The following NEBL variants were observed in gnomAD, a reference collection of about 807,000 sequenced individuals.
NEBL encodes the protein LIM and SH3 protein 2.
Under a neutral mutation model 140.2 loss-of-function variants are expected in NEBL, and 122 were observed. The observed-to-expected ratio is 0.87, with a 90% CI of 0.75 to 1.01. The LOEUF is 1.01. NEBL is among the 50% of genes least tolerant of loss of function. The pLI is 0.00. For missense variants in NEBL, 1,365 were observed against 1,231.3 expected (o/e 1.11, Z -1.62); for synonymous variants, 436 against 398.9 (o/e 1.09, Z -1.11).
In NEBL at chr10:21,034,167, GAAAAAAAA is replaced by G. The variant is rs964552949; in HGVS notation, c.165-13974_165-13967del. Among the ~76,000 whole-genome samples the G allele has an allele frequency of 2.1e-4, 7 of 33,494 alleles. No homozygotes were observed. The South Asian group carries it at 3.6e-3, about 17-fold the overall frequency. 22.0% of individuals were successfully genotyped at this position (33,494 alleles called of 152,430 possible). A position where few individuals can be genotyped will look rare whatever the true frequency, so the allele number is the denominator to read the frequency against. On this transcript the variant is annotated intron_variant, in intron 2 of 6. Coordinates refer to the NEBL transcript ENST00000417816. Reference sequence around the variant, plus strand: ...AGGCAACAGAGCAAGACCCTATCTCGAAAAAAAAAAAAAAAAAAAAAAAGACCCAAACA... The same window carrying G: ...AGGCAACAGAGCAAGACCCTATCTCGAAAAAAAAAAAAAAAGACCCAAACA...
At chr10:20,934,886 A>C (rs1239154412) in intron 4 of NEBL, among the ~76,000 whole-genome samples, 2 of 152,236 alleles carry the variant, frequency 1.3e-5, no homozygotes, top group Non-Finnish European at 1.5e-5. Context: ...CATTTCTAGC[A>C]GGAACAAAAT....
chr10:21,133,290 C>A (rs1159151768), intron 2 of NEBL, among the ~76,000 whole-genome samples: 2 of 152,184 alleles, frequency 1.3e-5, no homozygotes, highest in African/African-American at 4.8e-5. Flanking sequence ...ATGTTTTTAA[C>A]CTAATGAAAT....
intron 3 of NEBL, among the ~76,000 whole-genome samples, chr10:21,241,175 G>A (rs996353184): frequency 6.6e-6 from 1 of 151,754 alleles, no homozygotes; most frequent in Non-Finnish European, 1.5e-5. Flanking sequence ...TTTCAGGTTT[G>A]TGTTATATCT....
intron 11 of NEBL, among the ~76,000 whole-genome samples, chr10:20,846,370 G>C (rs1249907532): frequency 6.6e-6 from 1 of 152,128 alleles, no homozygotes; most frequent in African/African-American, 2.4e-5. Context: ...ATTCATTATA[G>C]AGATAGGTAA....
chr10:21,156,541 G>A (rs988047488), intron 2 of NEBL, among the ~76,000 whole-genome samples: 1 of 151,552 alleles, frequency 6.6e-6, no homozygotes, highest in African/African-American at 2.4e-5. Context: ...ATGTCTACTG[G>A]AAACAAAGCA....
At chr10:21,198,855 T>A (rs1422378975) in intron 3 of NEBL, among the ~76,000 whole-genome samples, 1 of 152,148 alleles carries the variant, frequency 6.6e-6, no homozygotes, top group Non-Finnish European at 1.5e-5. Context: ...AGTGACCATT[T>A]TCTCTTTCTC....
chr10:21,016,481 A>C (rs1165328383), intron 3 of NEBL, among the ~76,000 whole-genome samples: 1 of 152,234 alleles, frequency 6.6e-6, no homozygotes, highest in African/African-American at 2.4e-5. Context: ...TTTTTAAAGA[A>C]AGAGATAACA....
chr10:20,862,067 T>C (rs142508967), intron 7 of NEBL, among the ~76,000 whole-genome samples: 38 of 152,280 alleles, frequency 2.5e-4, no homozygotes, highest in African/African-American at 8.4e-4. Context: ...GTAATGAAAG[T>C]GAAAGGCAGA....
chr10:21,090,275 C>A (rs1355449491), intron 2 of NEBL, among the ~76,000 whole-genome samples: 1 of 152,224 alleles, frequency 6.6e-6, no homozygotes, highest in Non-Finnish European at 1.5e-5. Context: ...TTCTAAATCA[C>A]AAGGGCACAA....
intron 3 of NEBL, among the ~76,000 whole-genome samples, chr10:21,242,599 C>G (rs180941280): frequency 1.7e-4 from 26 of 152,068 alleles, no homozygotes; most frequent in Non-Finnish European, 2.5e-4. Flanking sequence ...GTACCCTGAG[C>G]CTAAAATAAA....
At chr10:21,030,081 A>C (rs640750) in intron 2 of NEBL, 294,720 of 469,338 alleles carry the variant, frequency 0.63, 93,014 homozygotes, top group East Asian at 0.73. Context: ...GGTCGAGCTT[A>C]TTTTGTCTTT....
At chr10:21,019,853 T>C (rs1242346120) in intron 3 of NEBL, among the ~76,000 whole-genome samples, 1 of 152,204 alleles carries the variant, frequency 6.6e-6, no homozygotes, top group Non-Finnish European at 1.5e-5. Context: ...GTCAAGATTG[T>C]TGGGAAACAT....
intron 2 of NEBL, among the ~76,000 whole-genome samples, chr10:21,149,245 T>C: frequency 6.6e-6 from 1 of 152,176 alleles, no homozygotes; most frequent in Non-Finnish European, 1.5e-5. Context: ...TCTGTAACCC[T>C]TCCTCACCTT....
intron 26 of NEBL, among the ~76,000 whole-genome samples, chr10:20,791,672 G>C (rs1835993809): frequency 6.6e-6 from 1 of 152,068 alleles, no homozygotes; most frequent in South Asian, 2.1e-4. Flanking sequence ...TGGGATTATG[G>C]GCGTGAGCAC....
chr10:20,949,986 G>T (rs1411853476), intron 4 of NEBL, among the ~76,000 whole-genome samples: 2 of 152,156 alleles, frequency 1.3e-5, no homozygotes, highest in African/African-American at 2.4e-5. Context: ...TAATAAAATA[G>T]TATGACTCGT....
In NEBL at chr10:21,126,502, A is replaced by G. The variant is rs1019859113; in HGVS notation, c.164+45881T>C. On this transcript the variant is annotated intron_variant, in intron 2 of 6. Transcript: ENST00000417816. Reference sequence around the variant, plus strand: ...AAAACAAAAATAGTAGATTTTTAGCATAAGAGATTTAGTCGTAGAATATTA... The same window carrying G: ...AAAACAAAAATAGTAGATTTTTAGCGTAAGAGATTTAGTCGTAGAATATTA... Among the ~76,000 whole-genome samples the G allele has an allele frequency of 2.2e-4, 33 of 152,242 alleles. 1 individual carries two copies. Among genetic ancestry groups the G allele is most frequent in the African/African-American group, 7.7e-4 (32 of 41,468 alleles).
intron 2 of NEBL, among the ~76,000 whole-genome samples, chr10:21,027,917 T>G (rs1833582559): frequency 6.6e-6 from 1 of 152,164 alleles, no homozygotes; most frequent in South Asian, 2.1e-4. Context: ...TCATTCAAAA[T>G]TATCTTTAAA....
At chr10:20,872,693 A>C (rs1336341295) in intron 5 of NEBL, among the ~76,000 whole-genome samples, 1 of 152,176 alleles carries the variant, frequency 6.6e-6, no homozygotes, top group African/African-American at 2.4e-5. Flanking sequence ...TTGCTGACAA[A>C]ACAGCTTGCA....
At chr10:21,174,148 G>T (rs923927697) in exon 1 of NEBL, 1 of 555,048 alleles carries the variant, frequency 1.8e-6, no homozygotes, top group African/African-American at 2.0e-5. Context: ...CGCCCCTCGC[G>T]CTCACTCGCT....
Sources: allele counts gnomAD v4.1 joint callset (sites outside exome capture counted in the v4.1 genomes callset), GRCh38; gene constraint gnomAD v4.1.1; transcripts MANE v1.5; gene names NCBI Gene and HGNC (gene_info 2026-07-23, HGNC 2026-07-21).